The following PRKCB variants were observed in gnomAD, a reference collection of about 807,000 sequenced individuals.
PRKCB encodes the protein protein kinase C beta.
A neutral mutation model predicts 81.5 loss-of-function variants in PRKCB; 13 were observed. The observed-to-expected ratio is 0.16, with a 90% CI of 0.10 to 0.25. The LOEUF is 0.25. PRKCB is among the 10% of genes least tolerant of loss of function. PRKCB has a pLI of 1.00. For synonymous variants in PRKCB, 335 were observed against 321.4 expected (o/e 1.04, Z -0.45); for missense variants, 509 against 875.7 (o/e 0.58, Z 5.29).
At chr16:24,073,966 C>T (rs564251537) in intron 5 of PRKCB, among the ~76,000 whole-genome samples, 138 of 151,880 alleles carry the variant, frequency 9.1e-4, no homozygotes, top group African/African-American at 2.9e-3. Context: ...CATGGTGAAA[C>T]CCCGATACAA....
chr16:23,912,802 C>T (rs974165328), intron 2 of PRKCB, among the ~76,000 whole-genome samples: 3 of 130,050 alleles, frequency 2.3e-5, no homozygotes, highest in East Asian at 2.2e-4. Context: ...TGTGAGCCAC[C>T]GTGCCTGGCC....
chr16:24,080,250 C>T (rs1966232094), intron 5 of PRKCB, among the ~76,000 whole-genome samples: 1 of 152,118 alleles, frequency 6.6e-6, no homozygotes. Context: ...TCATCACCTG[C>T]CCAGCACAAT....
intron 15 of PRKCB, 107 bp from the exon 16 acceptor site, chr16:24,190,983 T>C (rs1967783476): frequency 3.8e-6 from 5 of 1,330,132 alleles, no homozygotes; most frequent in Non-Finnish European, 5.1e-6. Context: ...GAGTTGAGAT[T>C]CTTCATTTGC....
At position 24,113,063 on chromosome 16, in the gene PRKCB, A is replaced by G; in HGVS notation, c.912A>G (p.Lys304=). The G allele has an allele frequency of 6.2e-7, 1 of 1,609,918 alleles. No homozygotes were observed. The highest frequency in any genetic ancestry group is 8.5e-7 in the Non-Finnish European group (1 of 1,178,182). ...AGGCCAATGAAGAACTGCGGCAGAA[A>G]TTTGAGGTGAGGTTTCTTTTCTTTT... ...GSEANEELRQ[K]FERAKISQGT... The change falls in exon 8 of 17, where the codon AAA becomes AAG. Residue 304 remains lysine (K), a synonymous_variant. Transcript: ENST00000643927.
intron 5 of PRKCB, among the ~76,000 whole-genome samples, chr16:24,082,398 G>T (rs1364779289): frequency 6.6e-6 from 1 of 152,134 alleles, no homozygotes; most frequent in Non-Finnish European, 1.5e-5. Context: ...ATCCAGAATG[G>T]CCAAAACAAT....
At chr16:24,211,423 C>T (rs1004773671) in intron 16 of PRKCB, among the ~76,000 whole-genome samples, 2 of 152,138 alleles carry the variant, frequency 1.3e-5, no homozygotes, top group Admixed American at 6.5e-5. Flanking sequence ...CCTCATATCA[C>T]AACCCCAGTG....
intron 2 of PRKCB, among the ~76,000 whole-genome samples, chr16:23,891,433 TATACAG>T (rs1221479330): frequency 6.6e-6 from 1 of 152,200 alleles, no homozygotes. Flanking sequence ...TATGTGTGTG[TATACAG>T]ATGTATGCAT....
intron 13 of PRKCB, among the ~76,000 whole-genome samples, chr16:24,184,386 GGCTGTGA>G (rs1366382550): frequency 1.3e-5 from 2 of 151,970 alleles, no homozygotes; most frequent in Non-Finnish European, 2.9e-5. Flanking sequence ...AGGAGGCCAA[GGCTGTGA>G]GCTGTGAGCT....
At chr16:23,959,315 C>T (rs1264755381) in intron 2 of PRKCB, among the ~76,000 whole-genome samples, 1 of 152,164 alleles carries the variant, frequency 6.6e-6, no homozygotes, top group Non-Finnish European at 1.5e-5. Flanking sequence ...CAACACTGGC[C>T]AATCTTTAGG....
chr16:24,141,880 C>A (rs1403556879), intron 9 of PRKCB, among the ~76,000 whole-genome samples: 1 of 152,176 alleles, frequency 6.6e-6, no homozygotes, highest in Admixed American at 6.5e-5. Flanking sequence ...CGACATTGGT[C>A]GATTGCTCTG....
chr16:24,141,745 A>G (rs1394013661), intron 9 of PRKCB, among the ~76,000 whole-genome samples: 4 of 152,198 alleles, frequency 2.6e-5, no homozygotes, highest in Non-Finnish European at 5.9e-5. Context: ...GCCACAGAGC[A>G]TGTGGATTAC....
intron 16 of PRKCB, among the ~76,000 whole-genome samples, chr16:24,199,172 A>G (rs1450311526): frequency 6.6e-6 from 1 of 152,174 alleles, no homozygotes; most frequent in Non-Finnish European, 1.5e-5. Flanking sequence ...GGGCTATCTG[A>G]TCACATCCCA....
intron 5 of PRKCB, among the ~76,000 whole-genome samples, chr16:24,071,535 A>G (rs1269303354): frequency 6.6e-6 from 1 of 151,616 alleles, no homozygotes; most frequent in Non-Finnish European, 1.5e-5. Flanking sequence ...TTTAATGTGG[A>G]TCCAGAATTG....
chr16:24,141,914 C>G (rs1966907288), intron 9 of PRKCB, among the ~76,000 whole-genome samples: 1 of 152,206 alleles, frequency 6.6e-6, no homozygotes, highest in South Asian at 2.1e-4. Flanking sequence ...CTTTCTCTTT[C>G]TTGCATATGG....
At chr16:24,073,037 A>C (rs1966133068) in intron 5 of PRKCB, among the ~76,000 whole-genome samples, 1 of 152,254 alleles carries the variant, frequency 6.6e-6, no homozygotes, top group South Asian at 2.1e-4. Flanking sequence ...GCTGGCAACT[A>C]AGAAATACCA....
chr16:24,173,424 A>C (rs1967476185), intron 11 of PRKCB, among the ~76,000 whole-genome samples: 2 of 152,076 alleles, frequency 1.3e-5, no homozygotes, highest in South Asian at 4.2e-4. Context: ...GTCATACTAG[A>C]GGCTTGGTGG....
At chr16:23,988,439 C>T in intron 2 of PRKCB, 69 bp from the exon 3 acceptor site, 1 of 1,267,954 alleles carries the variant, frequency 7.9e-7, no homozygotes, top group Non-Finnish European at 1.1e-6. Context: ...TCTCTTCCTC[C>T]CTTTCTCTCT....
At chr16:24,187,669 G>T (rs1166827530) in intron 15 of PRKCB, among the ~76,000 whole-genome samples, 3 of 133,146 alleles carry the variant, frequency 2.3e-5, no homozygotes, top group African/African-American at 5.9e-5. Flanking sequence ...GTTTTGTTTT[G>T]TTTTGTTTTG....
chr16:23,901,002 C>G lies in PRKCB; in HGVS notation c.205+63596C>G, dbSNP rs560771236. Reference sequence around the variant, plus strand: ...TTCATCATGTGACCCATTTCTAGTCCTTCTTGACCGCCCCCTCTCCTATGG... The same window carrying G: ...TTCATCATGTGACCCATTTCTAGTCGTTCTTGACCGCCCCCTCTCCTATGG... On this transcript the variant is annotated intron_variant, in intron 2 of 16. Transcript: ENST00000643927. Among the ~76,000 whole-genome samples, 36 of 152,140 alleles carry G rather than the reference C, an allele frequency of 2.4e-4. No homozygotes were observed. The South Asian group carries it at 7.5e-3, about 32-fold the overall frequency.
Sources: gnomAD v4.1 joint callset for allele counts (sites outside exome capture counted in the v4.1 genomes callset) on GRCh38, gnomAD v4.1.1 for gene constraint, MANE v1.5 for transcripts, NCBI Gene and HGNC (gene_info 2026-07-23, HGNC 2026-07-21) for gene names.